The following LAMA2 variants were observed in gnomAD, a reference collection of about 807,000 sequenced individuals.
LAMA2 encodes laminin subunit alpha 2.
Under a neutral mutation model 364.8 loss-of-function variants are expected in LAMA2, and 269 were observed. The observed-to-expected ratio is 0.74, with a 90% CI of 0.67 to 0.82. The LOEUF (loss-of-function observed/expected upper bound fraction) is 0.82. Ranked by LOEUF, LAMA2 falls within the 40% of genes least tolerant of loss-of-function variation. The pLI is 0.00. For missense variants in LAMA2, 3,807 were observed against 3,873.2 expected (o/e 0.98, Z 0.45); for synonymous variants, 1,379 against 1,370.6 (o/e 1.01, Z -0.14).
chr6:128,929,726 C>G, intron 1 of LAMA2: 2 of 1,340,222 alleles, frequency 1.5e-6, no homozygotes, highest in Admixed American at 3.4e-5. Context: ...TCAGACCTTC[C>G]CAATTCTTGT....
chr6:129,139,010 T>C (rs1347435593), intron 4 of LAMA2, among the ~76,000 whole-genome samples: 1 of 152,120 alleles, frequency 6.6e-6, no homozygotes, highest in Middle Eastern at 3.2e-3. Context: ...TCTCAAATGC[T>C]GCTAATAGGT....
intron 3 of LAMA2, among the ~76,000 whole-genome samples, chr6:129,070,398 TGAAATGA>T: frequency 6.6e-6 from 1 of 152,144 alleles, no homozygotes; most frequent in Non-Finnish European, 1.5e-5. Context: ...TACTGGATAT[TGAAATGA>T]TACCTATGAG....
At chr6:129,415,777 T>G (rs1780753656) in intron 40 of LAMA2, among the ~76,000 whole-genome samples, 1 of 151,766 alleles carries the variant, frequency 6.6e-6, no homozygotes, top group South Asian at 2.1e-4. Context: ...GCCTGGGAAG[T>G]CAAGGCTGCA....
Position 129,454,255 on chromosome 6 carries a change from A to G in LAMA2, c.6674A>G (p.Asp2225Gly), listed in dbSNP as rs1280274684. The G allele has an allele frequency of 1.2e-6, 2 of 1,612,048 alleles. No individual in the cohort carries two copies. The highest frequency in any genetic ancestry group is 8.5e-7 in the Non-Finnish European group (1 of 1,178,416). Reference protein sequence around the residue: ...GRVEYPDLTIDDSYWYRIVAS... With the variant: ...GRVEYPDLTIGDSYWYRIVAS... ...GTAGAGTACCCAGATTTGACTATTG[A>G]TGACTCATATTGGTACCGTATCGTA... is the stretch of plus-strand genomic sequence containing the variant. Residue 2225 changes from aspartate to glycine, a missense_variant, in exon 47 of 65, where the codon GAT becomes GGT. Around this residue, in one of 3 missense-constraint regions of LAMA2, gnomAD observed 3,333 missense variants for 3,345.7 expected, o/e 1.00. Transcript: ENST00000421865.
At chr6:129,516,117 G>T in intron 64 of LAMA2, 73 bp from the exon 65 acceptor site, 1 of 1,512,812 alleles carries the variant, frequency 6.6e-7, no homozygotes, top group South Asian at 1.1e-5. Context: ...GCTAACAGTT[G>T]ACTTTGAAAC....
intron 10 of LAMA2, among the ~76,000 whole-genome samples, chr6:129,185,562 T>A (rs749386965): frequency 2.0e-5 from 3 of 151,836 alleles, no homozygotes; most frequent in African/African-American, 7.2e-5. Context: ...AACAAAAATA[T>A]CATATTGATT....
At chr6:128,978,904 G>A (rs1353047252) in intron 1 of LAMA2, among the ~76,000 whole-genome samples, 1 of 152,160 alleles carries the variant, frequency 6.6e-6, no homozygotes, top group African/African-American at 2.4e-5. Context: ...CTCTCCTGCT[G>A]TATTATGGAG....
At chr6:129,036,476 C>G (rs1208995537) in intron 1 of LAMA2, among the ~76,000 whole-genome samples, 1 of 151,992 alleles carries the variant, frequency 6.6e-6, no homozygotes, top group African/African-American at 2.4e-5. Flanking sequence ...ATAAACATGC[C>G]TAAGATCCAT....
chr6:129,459,715 A>G (rs1029083978), intron 48 of LAMA2, among the ~76,000 whole-genome samples: 1 of 152,042 alleles, frequency 6.6e-6, no homozygotes, highest in African/African-American at 2.4e-5. Context: ...ATCTCAGGGG[A>G]AAAAGCTTTG....
chr6:129,206,094 G>GAGGGAGGGAGGAAGGAAGGAAGGAAGGA (rs1782636592), intron 12 of LAMA2, among the ~76,000 whole-genome samples: 1 of 98,106 alleles, frequency 1.0e-5, no homozygotes, highest in Admixed American at 9.8e-5. Context: ...GGAAGGAAGG[G>GAGGGAGGGAGGAAGGAAGGAAGGAAGGA]AGGGAGGGAG....
At chr6:129,355,166 A>G (rs963233914) in intron 32 of LAMA2, among the ~76,000 whole-genome samples, 1 of 152,120 alleles carries the variant, frequency 6.6e-6, no homozygotes, top group East Asian at 1.9e-4. Context: ...AAGCACAGTT[A>G]ATTATCTTAT....
intron 34 of LAMA2, among the ~76,000 whole-genome samples, chr6:129,372,905 A>T (rs1010571912): frequency 6.6e-6 from 1 of 152,166 alleles, no homozygotes; most frequent in Non-Finnish European, 1.5e-5. Context: ...TATGATGTCG[A>T]GCATCTTTTC....
intron 1 of LAMA2, among the ~76,000 whole-genome samples, chr6:128,930,919 G>C (rs1195988976): frequency 1.3e-5 from 2 of 151,962 alleles, no homozygotes; most frequent in Non-Finnish European, 2.9e-5. Context: ...TAACACGTTC[G>C]CTTTTCTGTT....
Position 129,059,865 on chromosome 6 carries a change from A to T in LAMA2, c.365A>T (p.His122Leu). 6.3e-7 allele frequency: 1 copy of T among 1,599,714 alleles called. No individual in the cohort carries two copies. Among genetic ancestry groups the T allele is most frequent in the Non-Finnish European group, 8.6e-7 (1 of 1,166,874 alleles). Residue 122 changes from histidine (H) to leucine (L), a missense_variant, in exon 3 of 65, where the codon CAT (histidine) becomes CTT (leucine). This residue lies in a region of LAMA2 where 394 missense variants were observed against 403.5 expected (regional missense o/e 0.98). Transcript: ENST00000421865. ...SPSIKNGIEY[H>L]YVTITLDLQQ... ...AGTATTAAGAATGGAATCGAATACC[A>T]TTATGTGACAATTACCCTGGATTTA...
intron 47 of LAMA2, 37 bp from the exon 48 acceptor site, chr6:129,456,298 A>G (rs951641494): frequency 4.4e-6 from 7 of 1,591,558 alleles, no homozygotes; most frequent in African/African-American, 1.3e-5. Flanking sequence ...CATTTTCTGT[A>G]TGTTCCTCCC....
chr6:128,961,236 C>T (rs891789366), intron 1 of LAMA2, among the ~76,000 whole-genome samples: 3 of 145,554 alleles, frequency 2.1e-5, no homozygotes, highest in African/African-American at 7.5e-5. Context: ...CCTCATCCTT[C>T]ACTGCATGGT....
intron 27 of LAMA2, among the ~76,000 whole-genome samples, chr6:129,318,306 G>A (rs781511977): frequency 5.9e-5 from 9 of 151,856 alleles, no homozygotes; most frequent in Non-Finnish European, 8.8e-5. Flanking sequence ...CTTTTATAAA[G>A]TTTAATTTAA....
At position 129,475,540 on chromosome 6, in the gene LAMA2, T is replaced by C; in HGVS notation, c.7451+139T>C. 5 of 623,144 alleles carry C rather than the reference T, an allele frequency of 8.0e-6. No individual in the cohort carries two copies. The South Asian group carries it at 1.1e-4, about 13-fold the overall frequency. 38.6% of individuals were successfully genotyped at this position (623,144 alleles called of 1,614,324 possible). On this transcript the variant is annotated intron_variant, in intron 53 of 64. Transcript: ENST00000421865. Reference sequence around the variant, plus strand: ...GTATGTTTCACGAGCAAGCCGTGCATTCTGTGAGAGTTCTCCTGCTGCCCC... The same window carrying C: ...GTATGTTTCACGAGCAAGCCGTGCACTCTGTGAGAGTTCTCCTGCTGCCCC...
intron 1 of LAMA2, among the ~76,000 whole-genome samples, chr6:128,894,358 T>G (rs1054088551): frequency 1.3e-5 from 2 of 152,188 alleles, no homozygotes; most frequent in Non-Finnish European, 2.9e-5. Context: ...CCCTAAATAT[T>G]AGAAGCTGTT....
Sources: gnomAD v4.1 joint callset for allele counts (sites outside exome capture counted in the v4.1 genomes callset) on GRCh38, gnomAD v4.1.1 for gene constraint, gnomAD v4.1.1 regional missense constraint, MANE v1.5 for transcripts, NCBI Gene and HGNC (gene_info 2026-07-23, HGNC 2026-07-21) for gene names.